The following RTP2 variants were observed in gnomAD, a reference collection of about 807,000 sequenced individuals.
RTP2 encodes the protein receptor transporter protein 2.
Under a neutral mutation model 17.9 loss-of-function variants are expected in RTP2, and 12 were observed. The observed-to-expected ratio is 0.67, with a 90% CI of 0.43 to 1.09. The LOEUF (loss-of-function observed/expected upper bound fraction) is 1.09, where lower values mean the gene tolerates loss of function less well. RTP2 is among the 50% of genes least tolerant of loss of function. The pLI, the probability that RTP2 is intolerant of heterozygous loss-of-function variation, is 0.00. For missense variants in RTP2, 327 were observed against 295.7 expected, an observed-to-expected ratio of 1.11 and a Z score of -0.78; for synonymous variants, 126 against 117.7, an observed-to-expected ratio of 1.07 and a Z score of -0.46.
At chr3:187,701,976 G>T (rs150707467) in exon 1 of RTP2, 2 of 1,601,280 alleles carry the variant, frequency 1.2e-6, no homozygotes, top group Non-Finnish European at 1.7e-6. Context: ...TGCCTGAGGC[G>T]TGCTGCTCCA....
At chr3:187,704,908 C>T (rs1447759098), upstream of RTP2, among the ~76,000 whole-genome samples, 8 of 152,166 alleles carry the variant, frequency 5.3e-5, no homozygotes, top group African/African-American at 1.4e-4. Context: ...GAAGATTTTA[C>T]GCTGCCCTTT....
the RTP2 span, among the ~76,000 whole-genome samples, chr3:187,713,047 A>G: frequency 6.6e-6 from 1 of 152,080 alleles, no homozygotes; most frequent in African/African-American, 2.4e-5. Flanking sequence ...CCCACCCAAA[A>G]CCACCCAGAG....
chr3:187,709,947 G>A, the RTP2 span, among the ~76,000 whole-genome samples: 7 of 152,006 alleles, frequency 4.6e-5, no homozygotes, highest in Admixed American at 2.6e-4. Flanking sequence ...TGTCAACTTC[G>A]CTTGACCAAG....
chr3:187,702,078 C>T, exon 1 of RTP2: 2 of 1,613,750 alleles, frequency 1.2e-6, no homozygotes, highest in Non-Finnish European at 8.5e-7. Context: ...CCACCTCCAT[C>T]TTCTCATAGA....
chr3:187,698,760 A>T, exon 2 of RTP2: 1 of 1,614,032 alleles, frequency 6.2e-7, no homozygotes, highest in Non-Finnish European at 8.5e-7. Flanking sequence ...GGCCACGTGG[A>T]TGCGGTACTG....
chr3:187,702,620 T>C (rs1344733504), upstream of RTP2: 2 of 456,122 alleles, frequency 4.4e-6, no homozygotes, highest in Non-Finnish European at 8.8e-6. Context: ...CCCCCTGATA[T>C]GCTGTGACCA....
upstream of RTP2, among the ~76,000 whole-genome samples, chr3:187,703,386 C>T (rs959529906): frequency 6.6e-6 from 1 of 152,220 alleles, no homozygotes; most frequent in African/African-American, 2.4e-5. Context: ...GACAATGTCA[C>T]TGGATTCTCT....
chr3:187,705,390 G>A (rs1717966255), upstream of RTP2, among the ~76,000 whole-genome samples: 1 of 152,170 alleles, frequency 6.6e-6, no homozygotes, highest in Non-Finnish European at 1.5e-5. Flanking sequence ...AGCCATCAAG[G>A]CAGGGTGAAA....
upstream of RTP2, among the ~76,000 whole-genome samples, chr3:187,703,635 C>T (rs545745818): frequency 2.2e-4 from 34 of 152,294 alleles, no homozygotes; most frequent in Admixed American, 7.2e-4. Context: ...TCAAACCTCA[C>T]TGGGGATTCC....
the RTP2 span, among the ~76,000 whole-genome samples, chr3:187,709,517 C>A: frequency 6.6e-6 from 1 of 152,140 alleles, no homozygotes; most frequent in African/African-American, 2.4e-5. Flanking sequence ...AACCCCATCT[C>A]TACTAAAAAT....
At chr3:187,711,632 C>T in the RTP2 span, among the ~76,000 whole-genome samples, 1 of 152,176 alleles carries the variant, frequency 6.6e-6, no homozygotes, top group Non-Finnish European at 1.5e-5. Context: ...AACATTTATG[C>T]TGACTCAATT....
At chr3:187,698,797 C>G (rs1287273869) in exon 2 of RTP2, 1 of 1,613,492 alleles carries the variant, frequency 6.2e-7, no homozygotes, top group Non-Finnish European at 8.5e-7. Context: ...TAGCACTGCT[C>G]GCGCAGGCTG....
upstream of RTP2, among the ~76,000 whole-genome samples, chr3:187,705,262 A>G (rs1236231474): frequency 6.6e-6 from 1 of 152,160 alleles, no homozygotes; most frequent in Non-Finnish European, 1.5e-5. Flanking sequence ...GCTTCTGTCC[A>G]AGAGGCTGAG....
intron 1 of RTP2, among the ~76,000 whole-genome samples, chr3:187,699,611 G>A (rs1231030832): frequency 1.3e-5 from 2 of 151,954 alleles, no homozygotes; most frequent in Non-Finnish European, 2.9e-5. Flanking sequence ...GAACTACCAA[G>A]TTTAGTTACT....
exon 1 of RTP2, chr3:187,702,547 C>T (rs769230409): frequency 4.1e-5 from 19 of 457,918 alleles, no homozygotes; most frequent in Non-Finnish European, 6.6e-5. Context: ...ATGGTAAGTA[C>T]GACACCCTAG....
intron 1 of RTP2, among the ~76,000 whole-genome samples, chr3:187,700,194 T>A (rs1228003112): frequency 6.6e-6 from 1 of 152,152 alleles, no homozygotes. Context: ...GGGATAGAGG[T>A]GAGGCCAAGC....
the RTP2 span, among the ~76,000 whole-genome samples, chr3:187,712,004 C>A: frequency 6.6e-6 from 1 of 152,098 alleles, no homozygotes; most frequent in African/African-American, 2.4e-5. Context: ...AACAGGATGA[C>A]GATAAAAGGG....
upstream of RTP2, among the ~76,000 whole-genome samples, chr3:187,706,506 A>G (rs1266236654): frequency 2.0e-5 from 3 of 152,272 alleles, no homozygotes; most frequent in Non-Finnish European, 4.4e-5. Flanking sequence ...AATGGCCACA[A>G]CTACAAGCCA....
At chr3:187,699,729 C>CACACACA (rs1717793534) in intron 1 of RTP2, among the ~76,000 whole-genome samples, 4 of 116,440 alleles carry the variant, frequency 3.4e-5, no homozygotes, top group African/African-American at 1.0e-4. Context: ...CATTGCCACT[C>CACACACA]CACACACACA....
Sources: gnomAD v4.1 joint callset for allele counts (sites outside exome capture counted in the v4.1 genomes callset) on GRCh38, gnomAD v4.1.1 for gene constraint, MANE v1.5 for transcripts, NCBI Gene and HGNC (gene_info 2026-07-23, HGNC 2026-07-21) for gene names.